Variants in SOX8 observed in about 807,000 individuals in gnomAD.
SOX8 encodes the protein transcription factor SOX-8.
Under a neutral mutation model 22.9 loss-of-function variants are expected in SOX8, and 9 were observed. That is an observed-to-expected ratio of 0.39 (90% CI 0.24 to 0.69). SOX8 has a LOEUF of 0.69. Among genes scored for constraint, SOX8 ranks in the 30% least tolerant of loss-of-function variants. The pLI is 0.43. For synonymous variants in SOX8, 416 were observed against 330.6 expected, an observed-to-expected ratio of 1.26 and a Z score of -2.80; for missense variants, 734 against 699.4, an observed-to-expected ratio of 1.05 and a Z score of -0.56.
At position 985,287 on chromosome 16, in the gene SOX8, C is replaced by T; in HGVS notation, c.1242C>T (p.Pro414=). ...QYPCFHSPRR[P]YASPLLNGLA... ...CCTGCTTCCACTCGCCGCGCCGGCC[C>T]TACGCCTCACCCCTGCTCAACGGCC... Residue 414 remains proline (P), a synonymous_variant, in exon 3 of 3, where the codon CCC becomes CCT. Transcript: ENST00000293894. 6.2e-7 allele frequency: 1 copy of T among 1,610,886 alleles called. No homozygotes were observed.
At position 984,847 on chromosome 16, in the gene SOX8, G is replaced by A. The variant is rs1485477333; in HGVS notation, c.802G>A (p.Glu268Lys). 1.2e-6 allele frequency: 2 copies of A among 1,612,162 alleles called. No homozygotes were observed. The highest frequency in any genetic ancestry group is 2.2e-5 in the East Asian group (1 of 44,826). The change falls in exon 3 of 3, where the codon GAG becomes AAG. Residue 268 changes from glutamate to lysine, a missense_variant. This residue lies in a region of SOX8 where 588 missense variants were observed against 568.2 expected (regional missense o/e 1.03). Transcript: ENST00000293894. Reference protein sequence around the residue: ...NIDFSNVDISELSSEVMGTMD... With the variant: ...NIDFSNVDISKLSSEVMGTMD... Reference sequence around the variant, plus strand: ...CGACTTCAGCAACGTGGACATCTCGGAGCTCAGCAGCGAGGTCATGGGCAC... The same window carrying A: ...CGACTTCAGCAACGTGGACATCTCGAAGCTCAGCAGCGAGGTCATGGGCAC...
chr16:982,402 C>T (rs2073403578), intron 1 of SOX8, 58 bp downstream of exon 1: 28 of 1,290,914 alleles, frequency 2.2e-5, no homozygotes, highest in Admixed American at 4.1e-5. Flanking sequence ...TGGTCTCGGA[C>T]TGCGAGCGGG....
rs1320093608 is a variant in SOX8 at position 985,351 on chromosome 16, G to A, written c.1306G>A (p.Asp436Asn). 3 of 1,584,130 alleles carry A rather than the reference G, an allele frequency of 1.9e-6. No homozygotes were observed. The Admixed American group carries it at 5.2e-5, about 28-fold the overall frequency. Residue 436 changes from aspartate (D) to asparagine (N), a missense_variant, in exon 3 of 3, where the codon GAC becomes AAC. Asp to Asn is a conservative substitution (Grantham distance 23). Around this residue, in one of 3 missense-constraint regions of SOX8, gnomAD observed 588 missense variants for 568.2 expected, o/e 1.03. Transcript: ENST00000293894. ...PPAHSPTSHWDQPVYTTLTRP is the reference protein window; with the variant it reads ...PPAHSPTSHWNQPVYTTLTRP ...CGCCCACAGCCCCACCAGTCACTGG[G>A]ACCAGCCGGTGTACACCACCCTGAC...
chr16:984,829 A>G lies in SOX8; in HGVS notation c.784A>G (p.Ser262Gly). The change falls in exon 3 of 3, where the codon AGC (serine) becomes GGC (glycine). Residue 262 changes from serine (S) to glycine (G), a missense_variant. Around this residue, in one of 3 missense-constraint regions of SOX8, gnomAD observed 588 missense variants for 568.2 expected, o/e 1.03. Coordinates refer to ENST00000293894, the MANE Select transcript of SOX8 (RefSeq NM_014587.5). ...VDSGRQNIDF[S>G]NVDISELSSE... is the part of the protein sequence containing the mutation. Reference sequence around the variant, plus strand: ...CAGCGGGCGCCAGAACATCGACTTCAGCAACGTGGACATCTCGGAGCTCAG... The same window carrying G: ...CAGCGGGCGCCAGAACATCGACTTCGGCAACGTGGACATCTCGGAGCTCAG... The G allele has an allele frequency of 6.2e-7, 1 of 1,612,094 alleles. No homozygotes were observed. Among genetic ancestry groups the G allele is most frequent in the African/African-American group, 1.3e-5 (1 of 74,922 alleles).
Position 985,550 on chromosome 16 carries a change from C to G in SOX8, c.*164C>G. ...CCCGTGGCCCTCGGCCTCCAGATGG[C>G]CACACCTCTGCCGACGACGGACCAG... On this transcript the variant is annotated 3_prime_UTR_variant, in exon 3 of 3. Transcript: ENST00000293894. The G allele has an allele frequency of 1.7e-6, 1 of 582,054 alleles. No homozygotes were observed. Among genetic ancestry groups the G allele is most frequent in the East Asian group, 3.0e-5 (1 of 33,144 alleles). The allele number at this position is 582,054 out of a possible 1,614,324, so 36.1% of individuals were successfully genotyped here.
At chr16:984,123 C>G (rs754389565) in intron 2 of SOX8, among the ~76,000 whole-genome samples, 163 bp downstream of exon 2, 2 of 152,246 alleles carry the variant, frequency 1.3e-5, no homozygotes, top group Admixed American at 6.5e-5. Flanking sequence ...CCGGCCGCCC[C>G]TGTTTTTGGT....
rs539194406 is a variant in SOX8 at position 985,290 on chromosome 16, C to T, written c.1245C>T (p.Tyr415=). ...GCTTCCACTCGCCGCGCCGGCCCTACGCCTCACCCCTGCTCAACGGCCTGG... is the reference window on the plus strand; with the variant it reads ...GCTTCCACTCGCCGCGCCGGCCCTATGCCTCACCCCTGCTCAACGGCCTGG... ...YPCFHSPRRP[Y]ASPLLNGLAL... Residue 415 remains tyrosine (Y), a synonymous_variant, in exon 3 of 3, where the codon TAC becomes TAT. Coordinates refer to ENST00000293894, the MANE Select transcript of SOX8 (RefSeq NM_014587.5). The T allele has an allele frequency of 6.7e-5, 108 of 1,610,594 alleles. No individual in the cohort carries two copies. The highest frequency in any genetic ancestry group is 2.9e-4 in the East Asian group (13 of 44,856).
rs1008669730 is a variant in SOX8, at chr16:985,680, C to T, written c.*294C>T. The T allele has an allele frequency of 1.8e-5, 7 of 397,102 alleles. No individual in the cohort carries two copies. The highest frequency in any genetic ancestry group is 5.0e-5 in the South Asian group (1 of 19,978). The allele number at this position is 397,102 out of a possible 1,614,324, so 24.6% of individuals were successfully genotyped here. ...TGAGGACTGGCGGCACCAGCACCTT[C>T]GCTTTGCATCTCGGTAGAGGAGAAA... On this transcript the variant is annotated 3_prime_UTR_variant, in exon 3 of 3. Transcript: ENST00000293894.
At chr16:984,100 A>G (rs1039233009) in intron 2 of SOX8, 140 bp downstream of exon 2, 4 of 764,074 alleles carry the variant, frequency 5.2e-6, no homozygotes, top group Non-Finnish European at 5.8e-6. Flanking sequence ...TCCCTGAAAA[A>G]GCTCCCAAGG....
At chr16:984,006 G>A in intron 2 of SOX8, 46 bp downstream of exon 2, 31 of 1,420,456 alleles carry the variant, frequency 2.2e-5, no homozygotes, top group Non-Finnish European at 2.9e-5. Context: ...TGTATGGGAG[G>A]CAGCTGTGGG....
In SOX8 at chr16:982,225, T is replaced by C. The variant is rs770098344; in HGVS notation, c.303T>C (p.His101=). The change falls in exon 1 of 3, where the codon CAT becomes CAC. Residue 101 remains histidine (H), a synonymous_variant. Coordinates refer to ENST00000293894, the MANE Select transcript of SOX8 (RefSeq NM_014587.5). The part of the protein sequence containing the change: ...GGGGALKAKP[H]VKRPMNAFMV... ...GCGGCGCGCTCAAAGCCAAGCCGCATGTGAAGCGGCCCATGAACGCATTCA... is the reference window on the plus strand; with the variant it reads ...GCGGCGCGCTCAAAGCCAAGCCGCACGTGAAGCGGCCCATGAACGCATTCA... 50 of 1,545,094 alleles carry C rather than the reference T, an allele frequency of 3.2e-5. No individual in the cohort carries two copies. The Admixed American group carries it at 9.5e-4, about 29-fold the overall frequency.
rs758955550 is a variant in SOX8, at chr16:983,743, C to T, written c.438C>T (p.Ser146=). Residue 146 remains serine, a synonymous_variant, in exon 2 of 3, where the codon AGC becomes AGT. Coordinates refer to ENST00000293894, the MANE Select transcript of SOX8 (RefSeq NM_014587.5). ...TGTGCTGCAGCTTGCTGAGCGAGAG[C>T]GAGAAGCGGCCCTTCGTGGAGGAGG... ...LGKLWRLLSE[S]EKRPFVEEAE... is the part of the protein sequence containing the mutation. 6 of 1,612,170 alleles carry T rather than the reference C, an allele frequency of 3.7e-6. No homozygotes were observed. The highest frequency in any genetic ancestry group is 1.6e-4 in the Middle Eastern group (1 of 6,076).
Position 984,681 on chromosome 16 carries a change from G to C in SOX8, c.656-20G>C. ...CACAGAAGGGGCATTCATCCCTGAA[G>C]CCTGCTCTCCTGTCCCCAGGGCAGA... On this transcript the variant is annotated intron_variant, in intron 2 of 2. Transcript: ENST00000293894. The C allele has an allele frequency of 2.8e-6, 4 of 1,454,124 alleles. No homozygotes were observed. The East Asian group carries it at 1.1e-4, about 38-fold the overall frequency. The allele number at this position is 1,454,124 out of a possible 1,614,324, so 90.1% of individuals were successfully genotyped here. A position where few individuals can be genotyped will look rare whatever the true frequency, so the allele number is the denominator to read the frequency against.
chr16:984,368 T>G (rs546770373), intron 2 of SOX8, among the ~76,000 whole-genome samples: 40 of 152,256 alleles, frequency 2.6e-4, no homozygotes, highest in African/African-American at 8.4e-4. Context: ...TCAGAGTGCT[T>G]GGCTGGCCCG....
intron 1 of SOX8, chr16:982,846 C>G (rs935705068): frequency 6.5e-6 from 1 of 153,634 alleles, no homozygotes; most frequent in Non-Finnish European, 1.4e-5. Context: ...CCTGCGAGTA[C>G]CCTCCCCGCA....
At chr16:984,259 T>C (rs1490405466) in intron 2 of SOX8, among the ~76,000 whole-genome samples, 1 of 152,220 alleles carries the variant, frequency 6.6e-6, no homozygotes, top group Non-Finnish European at 1.5e-5. Flanking sequence ...CACACCGAGC[T>C]GCTGCCCACA....
Position 985,211 on chromosome 16 carries a change from C to G in SOX8, c.1166C>G (p.Ser389Cys). 4 of 1,611,998 alleles carry G rather than the reference C, an allele frequency of 2.5e-6. No homozygotes were observed. The highest frequency in any genetic ancestry group is 3.4e-6 in the Non-Finnish European group (4 of 1,179,556). Residue 389 changes from serine (S) to cysteine (C), a missense_variant, in exon 3 of 3, where the codon TCC (serine) becomes TGC (cysteine). This residue lies in a region of SOX8 where 588 missense variants were observed against 568.2 expected (regional missense o/e 1.03). Transcript: ENST00000293894. ...GGCGACTATGGCGACCTGCAGGCCT[C>G]CAGCTACTATGGTGCCTACCCTGGC... ...SQGDYGDLQA[S>C]SYYGAYPGYA... is the part of the protein sequence containing the mutation.
In SOX8 at chr16:985,554, A is replaced by C; in HGVS notation, c.*168A>C. The C allele has an allele frequency of 1.8e-6, 1 of 566,202 alleles. No individual in the cohort carries two copies. The highest frequency in any genetic ancestry group is 3.1e-6 in the Non-Finnish European group (1 of 326,238). 35.1% of individuals were successfully genotyped at this position (566,202 alleles called of 1,614,324 possible). A position where few individuals can be genotyped will look rare whatever the true frequency, so the allele number is the denominator to read the frequency against. On this transcript the variant is annotated 3_prime_UTR_variant, in exon 3 of 3. Transcript: ENST00000293894. ...TGGCCCTCGGCCTCCAGATGGCCAC[A>C]CCTCTGCCGACGACGGACCAGCTCC...
chr16:983,968 C>T lies in SOX8; in HGVS notation c.655+8C>T, dbSNP rs2073432136. Reference sequence around the variant, plus strand: ...ACCATGGCGACCACACAGGTGGGCTCCAGGCCCCCCGCATATCTGAGGGTC... The same window carrying T: ...ACCATGGCGACCACACAGGTGGGCTTCAGGCCCCCCGCATATCTGAGGGTC... On this transcript the variant is annotated splice_region_variant and intron_variant, in intron 2 of 2. Transcript: ENST00000293894. The T allele has an allele frequency of 6.7e-7, 1 of 1,499,270 alleles. No individual in the cohort carries two copies. Among genetic ancestry groups the T allele is most frequent in the South Asian group, 1.3e-5 (1 of 77,090 alleles). The allele number at this position is 1,499,270 out of a possible 1,614,324, so 92.9% of individuals were successfully genotyped here.
Sources: gnomAD v4.1 joint callset for allele counts (sites outside exome capture counted in the v4.1 genomes callset) on GRCh38, gnomAD v4.1.1 for gene constraint, gnomAD v4.1.1 regional missense constraint, MANE v1.5 for transcripts, NCBI Gene and HGNC (gene_info 2026-07-23, HGNC 2026-07-21) for gene names.